The following FSTL5 variants were observed in gnomAD, a reference collection of about 807,000 sequenced individuals.
FSTL5 encodes the protein follistatin-related protein 5.
A neutral mutation model predicts 89.1 loss-of-function variants in FSTL5; 62 were observed. The ratio of observed to expected loss-of-function variants is 0.70; its 90% CI spans 0.57 to 0.86. The LOEUF (loss-of-function observed/expected upper bound fraction) is 0.86, where lower values mean the gene tolerates loss of function less well. FSTL5 is among the 40% of genes least tolerant of loss of function. FSTL5 has a pLI of 0.00. For synonymous variants in FSTL5, 383 were observed against 346.2 expected (o/e 1.11, Z -1.18); for missense variants, 1,057 against 1,001.6 (o/e 1.06, Z -0.75).
intron 8 of FSTL5, among the ~76,000 whole-genome samples, chr4:161,544,707 T>A (rs1002261976): frequency 6.6e-6 from 1 of 151,942 alleles, no homozygotes; most frequent in Admixed American, 6.6e-5. Context: ...AGATGAGTTA[T>A]AAGAAATAAA....
At chr4:161,640,493 C>T (rs1735915136) in intron 7 of FSTL5, among the ~76,000 whole-genome samples, 2 of 152,112 alleles carry the variant, frequency 1.3e-5, no homozygotes, top group African/African-American at 4.8e-5. Flanking sequence ...GAAAAAAATT[C>T]TGGAGCTGAA....
intron 7 of FSTL5, among the ~76,000 whole-genome samples, chr4:161,653,364 G>T (rs1331709837): frequency 6.6e-6 from 1 of 152,134 alleles, no homozygotes; most frequent in Non-Finnish European, 1.5e-5. Context: ...AATAAATTTT[G>T]TAGAACACCT....
intron 1 of FSTL5, among the ~76,000 whole-genome samples, chr4:162,117,697 C>T (rs2111424040): frequency 6.6e-6 from 1 of 152,290 alleles, no homozygotes; most frequent in African/African-American, 2.4e-5. Flanking sequence ...CTCTCCTCAT[C>T]ATCTGAATTG....
chr4:161,781,273 A>G (rs1285056311), intron 4 of FSTL5, among the ~76,000 whole-genome samples: 1 of 152,022 alleles, frequency 6.6e-6, no homozygotes, highest in Non-Finnish European at 1.5e-5. Context: ...ATAAGTAGTG[A>G]AACTATGTAT....
intron 3 of FSTL5, among the ~76,000 whole-genome samples, chr4:162,006,392 G>T (rs933712564): frequency 2.0e-5 from 3 of 151,814 alleles, no homozygotes; most frequent in Non-Finnish European, 2.9e-5. Flanking sequence ...TTTGAAAATT[G>T]AACTGGTAAA....
chr4:161,891,056 G>A (rs1244663038), intron 4 of FSTL5, among the ~76,000 whole-genome samples: 2 of 129,222 alleles, frequency 1.5e-5, no homozygotes, highest in African/African-American at 5.6e-5. Context: ...TATAGTTCTC[G>A]AATTCTTTTA....
intron 4 of FSTL5, among the ~76,000 whole-genome samples, chr4:161,828,343 C>T (rs996167824): frequency 6.6e-6 from 1 of 152,144 alleles, no homozygotes; most frequent in South Asian, 2.1e-4. Flanking sequence ...AATCCACTTC[C>T]TTCAAAGAGT....
chr4:162,075,635 T>C (rs1178644176), intron 2 of FSTL5, among the ~76,000 whole-genome samples: 3 of 151,908 alleles, frequency 2.0e-5, no homozygotes, highest in Non-Finnish European at 4.4e-5. Context: ...TCATGGATAC[T>C]GATAGAGGAC....
chr4:161,710,519 T>C (rs1008722419), intron 6 of FSTL5, among the ~76,000 whole-genome samples: 1 of 152,154 alleles, frequency 6.6e-6, no homozygotes, highest in African/African-American at 2.4e-5. Context: ...TTATATGGCT[T>C]CCTTTTTTGT....
intron 4 of FSTL5, among the ~76,000 whole-genome samples, chr4:161,918,361 T>C (rs1733895799): frequency 6.6e-6 from 1 of 152,070 alleles, no homozygotes; most frequent in African/African-American, 2.4e-5. Context: ...ACCTGGAAAA[T>C]ACGCTAAACT....
chr4:161,854,874 T>A (rs1402821231), intron 4 of FSTL5, among the ~76,000 whole-genome samples: 1 of 152,024 alleles, frequency 6.6e-6, no homozygotes, highest in East Asian at 1.9e-4. Context: ...ATTAAAAAGA[T>A]TTTAATAATG....
At chr4:161,587,044 A>C (rs2126606470) in intron 8 of FSTL5, among the ~76,000 whole-genome samples, 1 of 152,300 alleles carries the variant, frequency 6.6e-6, no homozygotes, top group East Asian at 1.9e-4. Context: ...TAGACATTAA[A>C]TTAACCATCA....
chr4:161,996,438 A>G (rs1578930786), intron 3 of FSTL5, among the ~76,000 whole-genome samples: 1 of 151,858 alleles, frequency 6.6e-6, no homozygotes. Context: ...TAACTCCTTC[A>G]CCTATCCCAA....
chr4:162,133,634 T>C (rs1392290791), intron 1 of FSTL5, among the ~76,000 whole-genome samples: 2 of 152,166 alleles, frequency 1.3e-5, no homozygotes, highest in Non-Finnish European at 2.9e-5. Context: ...TTTCAGCTGG[T>C]GCCAGTCATA....
chr4:162,069,761 T>C (rs1046527512), intron 2 of FSTL5, among the ~76,000 whole-genome samples: 2 of 152,014 alleles, frequency 1.3e-5, no homozygotes, highest in Non-Finnish European at 2.9e-5. Context: ...CCAATATGCA[T>C]ATATGTCACA....
intron 8 of FSTL5, among the ~76,000 whole-genome samples, chr4:161,587,228 G>T (rs1004202926): frequency 7.9e-5 from 12 of 150,952 alleles, no homozygotes; most frequent in African/African-American, 2.9e-4. Flanking sequence ...CAATTAAAAT[G>T]AGTTACTCTA....
intron 11 of FSTL5, among the ~76,000 whole-genome samples, chr4:161,501,973 A>G (rs1730307187): frequency 6.6e-6 from 1 of 152,050 alleles, no homozygotes; most frequent in Non-Finnish European, 1.5e-5. Context: ...TAACAAAACC[A>G]TAATGTGGTG....
chr4:161,540,278 T>A (rs1731775491), intron 9 of FSTL5, among the ~76,000 whole-genome samples: 1 of 152,144 alleles, frequency 6.6e-6, no homozygotes, highest in South Asian at 2.1e-4. Context: ...AGTTTTCAAT[T>A]CCTAGGACAT....
chr4:161,411,788 C>T (rs1731602299), intron 15 of FSTL5, among the ~76,000 whole-genome samples: 1 of 152,078 alleles, frequency 6.6e-6, no homozygotes, highest in Non-Finnish European at 1.5e-5. Flanking sequence ...GACAAGAATG[C>T]CCACTCTCAG....
Sources: allele counts gnomAD v4.1 joint callset (sites outside exome capture counted in the v4.1 genomes callset), GRCh38; gene constraint gnomAD v4.1.1; transcripts MANE v1.5; gene names NCBI Gene and HGNC (gene_info 2026-07-23, HGNC 2026-07-21).